The following ACADSB variants were observed in gnomAD, a reference collection of about 807,000 sequenced individuals.
ACADSB encodes the protein short/branched chain specific acyl-CoA dehydrogenase, mitochondrial.
In ACADSB, 40 loss-of-function variants were observed where a neutral mutation model predicts 54.1. The ratio of observed to expected loss-of-function variants is 0.74; its 90% CI spans 0.57 to 0.96. ACADSB has a LOEUF of 0.96. ACADSB is among the 40% of genes least tolerant of loss of function. The pLI, the probability that ACADSB is intolerant of heterozygous loss-of-function variation, is 0.00. For missense variants in ACADSB, 530 were observed against 510.4 expected, an observed-to-expected ratio of 1.04 and a Z score of -0.37; for synonymous variants, 182 against 182.8, an observed-to-expected ratio of 1.00 and a Z score of 0.03.
rs557039976 is a variant in ACADSB, at chr10:123,044,430, G to C, written c.845G>C (p.Gly282Ala). The change falls in exon 7 of 11, where the codon GGC becomes GCC. Residue 282 changes from glycine (G) to alanine (A), a missense_variant. Transcript: ENST00000358776. Reference protein sequence around the residue: ...EANILGQIGHGYKYAIGSLNE... With the variant: ...EANILGQIGHAYKYAIGSLNE... ...AATATCTTGGGACAAATTGGACATGGCTATAAGTATGCCATAGGGAGTCTC... is the reference window on the plus strand; with the variant it reads ...AATATCTTGGGACAAATTGGACATGCCTATAAGTATGCCATAGGGAGTCTC... 4 of 1,613,954 alleles carry C rather than the reference G, an allele frequency of 2.5e-6. No homozygotes were observed.
At position 123,009,007 on chromosome 10, in the gene ACADSB, G is replaced by A; in HGVS notation, c.-23G>A. ...GGCTGGCTAGAGACCCAGAGGCGCAGAGCGGAGAGGCCTGCGGCGAGGATG... is the reference window on the plus strand; with the variant it reads ...GGCTGGCTAGAGACCCAGAGGCGCAAAGCGGAGAGGCCTGCGGCGAGGATG... On this transcript the variant is annotated 5_prime_UTR_variant, in exon 1 of 11. Transcript: ENST00000358776. The A allele has an allele frequency of 6.5e-7, 1 of 1,547,620 alleles. No homozygotes were observed. Among genetic ancestry groups the A allele is most frequent in the Non-Finnish European group, 8.7e-7 (1 of 1,146,824 alleles).
At chr10:123,042,377 A>G (rs1393989407) in intron 5 of ACADSB, among the ~76,000 whole-genome samples, 1 of 152,092 alleles carries the variant, frequency 6.6e-6, no homozygotes, top group Non-Finnish European at 1.5e-5. Context: ...AAATAGACAT[A>G]TAGCAAAATA....
In ACADSB at chr10:123,041,184, G is replaced by C. The variant is rs769938208; in HGVS notation, c.511-25G>C. On this transcript the variant is annotated intron_variant, in intron 4 of 10. Coordinates refer to ENST00000358776, the MANE Select transcript of ACADSB (RefSeq NM_001609.4). ...AGAGTATAAATACAGTTATTAATTT[G>C]GACATTTTTTTCTCCCATATGTAGG... is the stretch of plus-strand genomic sequence containing the variant. 5 of 1,611,734 alleles carry C rather than the reference G, an allele frequency of 3.1e-6. No individual in the cohort carries two copies. The African/African-American group carries it at 6.7e-5, about 22-fold the overall frequency.
intron 2 of ACADSB, among the ~76,000 whole-genome samples, chr10:123,036,202 C>G (rs555638874): frequency 2.0e-5 from 3 of 152,304 alleles, no homozygotes. Context: ...ATTCTCCTGC[C>G]TCAGCCTCCC....
Position 123,056,874 on chromosome 10 carries a change from T to C in ACADSB, c.*3109T>C, listed in dbSNP as rs1467870841. On this transcript the variant is annotated 3_prime_UTR_variant, in exon 11 of 11. Coordinates refer to ENST00000358776, the MANE Select transcript of ACADSB (RefSeq NM_001609.4). ...AGTTAAATATTAAAAATTGTGTAAA[T>C]ACAATTGACATAGGAATTACATTAA... 2 of 152,628 alleles carry C rather than the reference T, an allele frequency of 1.3e-5. No homozygotes were observed. Among genetic ancestry groups the C allele is most frequent in the African/African-American group, 4.8e-5 (2 of 41,456 alleles). 9.5% of individuals were successfully genotyped at this position (152,628 alleles called of 1,614,324 possible). A position where few individuals can be genotyped will look rare whatever the true frequency, so the allele number is the denominator to read the frequency against.
intron 1 of ACADSB, among the ~76,000 whole-genome samples, chr10:123,011,730 T>G (rs1850039089): frequency 1.3e-5 from 2 of 152,042 alleles, no homozygotes; most frequent in South Asian, 4.1e-4. Context: ...TTTCACCATC[T>G]TGGTCAGCAA....
chr10:123,045,177 T>A (rs1374066378), intron 7 of ACADSB, among the ~76,000 whole-genome samples: 20 of 72,684 alleles, frequency 2.8e-4, no homozygotes, highest in African/African-American at 5.4e-4. Flanking sequence ...ATATATTTTT[T>A]TTTTTTTTTT....
intron 1 of ACADSB, among the ~76,000 whole-genome samples, chr10:123,024,756 G>T (rs1376669880): frequency 6.6e-6 from 1 of 152,222 alleles, no homozygotes; most frequent in Middle Eastern, 3.2e-3. Flanking sequence ...GTGGGGCTGG[G>T]CCCAAGCAGG....
intron 1 of ACADSB, among the ~76,000 whole-genome samples, chr10:123,010,007 T>C (rs1182338494): frequency 6.6e-6 from 1 of 152,292 alleles, no homozygotes; most frequent in African/African-American, 2.4e-5. Flanking sequence ...CTGACCCTTT[T>C]TCTTATTAGA....
chr10:123,047,397 G>A (rs769947906), intron 8 of ACADSB, 99 bp downstream of exon 8: 91 of 870,884 alleles, frequency 1.0e-4, no homozygotes, highest in Non-Finnish European at 1.6e-4. Context: ...CCTTCAGGGG[G>A]ATTTTAATGG....
At chr10:123,045,493 T>G (rs894892827) in intron 7 of ACADSB, among the ~76,000 whole-genome samples, 4 of 152,160 alleles carry the variant, frequency 2.6e-5, no homozygotes, top group Middle Eastern at 3.4e-3. Context: ...GTAGAGTATA[T>G]TTTTAATCAG....
chr10:123,026,271 A>G (rs1025398035), intron 1 of ACADSB, among the ~76,000 whole-genome samples: 2 of 152,236 alleles, frequency 1.3e-5, no homozygotes, highest in East Asian at 1.9e-4. Flanking sequence ...AACATTATTT[A>G]AACTTAAACC....
chr10:123,013,774 CGCAGGGCCTGCCGGCCGCTCCGAGT>C (rs1419266627), intron 1 of ACADSB, among the ~76,000 whole-genome samples: 4 of 152,238 alleles, frequency 2.6e-5, no homozygotes, highest in Non-Finnish European at 5.9e-5. Flanking sequence ...TGCCCGGGGC[CGCAGGGCCTGCCGGCCGCTCCGAGT>C]GCAGGGCCTG....
chr10:123,033,487 A>G (rs1041675923), intron 1 of ACADSB, among the ~76,000 whole-genome samples: 1 of 152,200 alleles, frequency 6.6e-6, no homozygotes, highest in Non-Finnish European at 1.5e-5. Flanking sequence ...AGGCACTCTC[A>G]TGGCAAGCAA....
At chr10:123,044,563 T>C in intron 7 of ACADSB, 78 bp downstream of exon 7, 4 of 1,117,374 alleles carry the variant, frequency 3.6e-6, no homozygotes, top group Non-Finnish European at 2.7e-6. Flanking sequence ...GACCAATGAA[T>C]ATTTGGAAGC....
chr10:123,011,519 C>G (rs4633392), intron 1 of ACADSB, among the ~76,000 whole-genome samples: 21,524 of 150,638 alleles, frequency 0.14, 1,655 homozygotes, highest in South Asian at 0.23. Context: ...TTTAATGTAG[C>G]TTGATATCTT....
Position 123,043,061 on chromosome 10 carries a change from A to G in ACADSB, c.697A>G (p.Thr233Ala), listed in dbSNP as rs370647342. 5.6e-6 allele frequency: 9 copies of G among 1,613,720 alleles called. No individual in the cohort carries two copies. The African/African-American group carries it at 9.3e-5, about 17-fold the overall frequency. The change falls in exon 6 of 11, where the codon ACC becomes GCC. Residue 233 changes from threonine (T) to alanine (A), a missense_variant. By Grantham distance (58) the Thr-to-Ala change is moderately conservative (BLOSUM62 0). Transcript: ENST00000358776. ...TTCTTTTTAGGGATATAAGGGAATT[A>G]CCTCCTTCTTAGTAGATCGTGATAC... The part of the protein sequence containing the change: ...VDPTIGYKGI[T>A]SFLVDRDTPG...
intron 1 of ACADSB, among the ~76,000 whole-genome samples, chr10:123,021,236 C>T (rs187238224): frequency 6.6e-6 from 1 of 152,292 alleles, no homozygotes; most frequent in Admixed American, 6.5e-5. Flanking sequence ...ACCTTATAGA[C>T]AAATCCATTC....
In ACADSB at chr10:123,027,534, G is replaced by A. The variant is rs1387981539; in HGVS notation, c.43-6822G>A. ...CTTTCTCATTTTCTGCTGCTGCTAT[G>A]TAAGAAGTGCCTTTTGCCTCCTGCC... On this transcript the variant is annotated intron_variant, in intron 1 of 10. Transcript: ENST00000358776. The A allele has an allele frequency of 2.2e-5, 10 of 455,304 alleles. No homozygotes were observed. In the East Asian group the frequency reaches 7.0e-4, roughly 32 times the overall value. 28.2% of individuals were successfully genotyped at this position (455,304 alleles called of 1,614,324 possible). A position where few individuals can be genotyped will look rare whatever the true frequency, so the allele number is the denominator to read the frequency against.
Sources: gnomAD v4.1 joint callset for allele counts (sites outside exome capture counted in the v4.1 genomes callset) on GRCh38, gnomAD v4.1.1 for gene constraint, MANE v1.5 for transcripts, NCBI Gene and HGNC (gene_info 2026-07-23, HGNC 2026-07-21) for gene names.